The following ARHGEF12 variants were observed in gnomAD, a reference collection of about 807,000 sequenced individuals.
ARHGEF12 encodes KMT2A/ARHGEF12 fusion protein.
A neutral mutation model predicts 211.2 loss-of-function variants in ARHGEF12; 66 were observed. The ratio of observed to expected loss-of-function variants is 0.31; its 90% CI spans 0.26 to 0.38. The LOEUF (loss-of-function observed/expected upper bound fraction) is 0.38, where lower values mean the gene tolerates loss of function less well. Ranked by LOEUF, ARHGEF12 falls within the 10% of genes least tolerant of loss-of-function variation. The pLI is 1.00. For missense variants in ARHGEF12, 1,429 were observed against 1,869.5 expected, an observed-to-expected ratio of 0.76 and a Z score of 4.34; for synonymous variants, 592 against 638.4, an observed-to-expected ratio of 0.93 and a Z score of 1.09.
At chr11:120,357,027 T>G (rs549443561) in intron 1 of ARHGEF12, among the ~76,000 whole-genome samples, 4,189 of 151,478 alleles carry the variant, frequency 0.028, 194 homozygotes, top group African/African-American at 0.097. Context: ...TTTTTTTTTG[T>G]TTTGTTTTGT....
intron 21 of ARHGEF12, chr11:120,450,747 T>C (rs1946186512): frequency 6.6e-6 from 1 of 152,228 alleles, no homozygotes; most frequent in Admixed American, 6.5e-5. Context: ...TTGAGGTACA[T>C]TATGATGATG....
At chr11:120,465,109 A>G (rs568279799) in intron 27 of ARHGEF12, 128 bp from the exon 28 acceptor site, 4 of 1,182,470 alleles carry the variant, frequency 3.4e-6, no homozygotes, top group African/African-American at 3.1e-5. Context: ...GATATTCCAC[A>G]TAGATATGCA....
intron 1 of ARHGEF12, among the ~76,000 whole-genome samples, chr11:120,387,468 A>G (rs538688576): frequency 2.1e-4 from 32 of 152,246 alleles, no homozygotes; most frequent in African/African-American, 7.7e-4. Context: ...GGCAAAATAT[A>G]TAAGTAACTT....
chr11:120,434,983 T>C (rs1165048192), intron 11 of ARHGEF12, among the ~76,000 whole-genome samples: 4 of 152,176 alleles, frequency 2.6e-5, no homozygotes, highest in African/African-American at 9.7e-5. Context: ...TGTCTCTCTC[T>C]AAGAGATAAG....
chr11:120,449,998 A>C (rs748017429), intron 21 of ARHGEF12: 1 of 152,142 alleles, frequency 6.6e-6, no homozygotes, highest in East Asian at 1.9e-4. Flanking sequence ...CTCACTTGAG[A>C]TGGCTGCAGG....
intron 15 of ARHGEF12, among the ~76,000 whole-genome samples, chr11:120,443,727 C>T (rs1358698296): frequency 6.6e-6 from 1 of 152,106 alleles, no homozygotes; most frequent in Non-Finnish European, 1.5e-5. Context: ...GTCTTCTGTG[C>T]CTGCAGCTTC....
At chr11:120,406,499 A>G (rs544244758) in intron 2 of ARHGEF12, among the ~76,000 whole-genome samples, 2 of 152,206 alleles carry the variant, frequency 1.3e-5, no homozygotes, top group South Asian at 4.1e-4. Context: ...TGTGACTATA[A>G]TTGCCTTTAG....
At chr11:120,454,196 C>A (rs1338580989) in intron 22 of ARHGEF12, among the ~76,000 whole-genome samples, 7 of 152,184 alleles carry the variant, frequency 4.6e-5, no homozygotes, top group Non-Finnish European at 8.8e-5. Flanking sequence ...AAGTCAGCTA[C>A]TCACTTTCAT....
chr11:120,454,486 A>T (rs1946305609), intron 22 of ARHGEF12, among the ~76,000 whole-genome samples: 1 of 152,248 alleles, frequency 6.6e-6, no homozygotes, highest in African/African-American at 2.4e-5. Flanking sequence ...AAACACAGTG[A>T]CATCTGTTGT....
In ARHGEF12 at chr11:120,447,014, C is replaced by T; in HGVS notation, c.1518C>T (p.Asp506=). 6.2e-7 allele frequency: 1 copy of T among 1,614,166 alleles called. No homozygotes were observed. The highest frequency in any genetic ancestry group is 8.5e-7 in the Non-Finnish European group (1 of 1,180,036). The stretch of plus-strand genomic sequence containing the variant: ...TGACTAAACTTGATGCAGAGCGAGA[C>T]AAGGACCGATTGACTTTGGAGAAGG... The part of the protein sequence containing the change: ...SELTKLDAER[D]KDRLTLEKER... The change falls in exon 18 of 41, where the codon GAC becomes GAT. Residue 506 remains aspartate, a synonymous_variant. Coordinates refer to ENST00000397843, the MANE Select transcript of ARHGEF12 (RefSeq NM_015313.3).
At chr11:120,470,806 T>A (rs1230247953) in intron 30 of ARHGEF12, among the ~76,000 whole-genome samples, 1 of 152,234 alleles carries the variant, frequency 6.6e-6, no homozygotes, top group Non-Finnish European at 1.5e-5. Flanking sequence ...TCCTAGTGAT[T>A]TGCTCAAGAG....
intron 1 of ARHGEF12, among the ~76,000 whole-genome samples, chr11:120,379,945 G>A (rs1943833092): frequency 6.6e-6 from 1 of 152,110 alleles, no homozygotes; most frequent in Non-Finnish European, 1.5e-5. Flanking sequence ...GCCTTGTTTT[G>A]ATACTGAGAC....
At chr11:120,446,827 G>T in intron 17 of ARHGEF12, 121 bp from the exon 18 acceptor site, 1 of 1,248,628 alleles carries the variant, frequency 8.0e-7, no homozygotes. Context: ...GGACCCATAA[G>T]TGGAAAAGTG....
rs187125182 is a variant in ARHGEF12 at position 120,473,146 on chromosome 11, A to T, written c.3033+19A>T. ...GCTCAGGGTGAGAGATGGTCTAATC[A>T]TAATTTAAAAAATAAAATAAAATTT... On this transcript the variant is annotated intron_variant, in intron 31 of 40. Coordinates refer to ENST00000397843, the MANE Select transcript of ARHGEF12 (RefSeq NM_015313.3). The T allele has an allele frequency of 4.2e-3, 6,679 of 1,606,128 alleles. 17 individuals are homozygous for T. The highest frequency in any genetic ancestry group is 5.1e-3 in the Non-Finnish European group (6,005 of 1,175,542).
chr11:120,427,982 C>T (rs1182131558), intron 7 of ARHGEF12, 87 bp from the exon 8 acceptor site: 19 of 1,145,816 alleles, frequency 1.7e-5, no homozygotes, highest in East Asian at 7.8e-5. Context: ...TTAGAACTAT[C>T]GAAGATTAAG....
chr11:120,414,947 C>T (rs1944987338), intron 4 of ARHGEF12, among the ~76,000 whole-genome samples: 1 of 152,122 alleles, frequency 6.6e-6, no homozygotes. Flanking sequence ...ACTGGTTTTA[C>T]TTTTTGAACA....
At chr11:120,373,830 G>A (rs1461380342) in intron 1 of ARHGEF12, among the ~76,000 whole-genome samples, 1 of 152,026 alleles carries the variant, frequency 6.6e-6, no homozygotes, top group African/African-American at 2.4e-5. Context: ...TTTTTGAGAC[G>A]GAGTTTCGCT....
chr11:120,440,257 A>C, intron 13 of ARHGEF12, 36 bp downstream of exon 13: 2 of 1,516,504 alleles, frequency 1.3e-6, no homozygotes, highest in Non-Finnish European at 1.8e-6. Context: ...ATAGATTGTT[A>C]CTTTCTGCAA....
At chr11:120,347,183 C>CCTTCCTTCCTTT (rs1555090041) in intron 1 of ARHGEF12, among the ~76,000 whole-genome samples, 21 of 100,312 alleles carry the variant, frequency 2.1e-4, no homozygotes, top group Admixed American at 5.4e-4. Flanking sequence ...TTCCTTCCTT[C>CCTTCCTTCCTTT]CTTTCTTTCT....
Sources: gnomAD v4.1 joint callset for allele counts (sites outside exome capture counted in the v4.1 genomes callset) on GRCh38, gnomAD v4.1.1 for gene constraint, MANE v1.5 for transcripts, NCBI Gene and HGNC (gene_info 2026-07-23, HGNC 2026-07-21) for gene names.